IREB2: variants seen among roughly 807,000 people sequenced by gnomAD.
IREB2 encodes iron responsive element binding protein 2.
Under a neutral mutation model 118.8 loss-of-function variants are expected in IREB2, and 39 were observed. The ratio of observed to expected loss-of-function variants is 0.33; its 90% CI spans 0.25 to 0.43. The LOEUF (loss-of-function observed/expected upper bound fraction) is 0.43, where lower values mean the gene tolerates loss of function less well. IREB2 is among the 20% of genes least tolerant of loss of function. IREB2 has a pLI of 1.00. For synonymous variants in IREB2, 372 were observed against 392.2 expected (o/e 0.95, Z 0.61); for missense variants, 900 against 1,147.3 (o/e 0.78, Z 3.11).
intron 2 of IREB2, among the ~76,000 whole-genome samples, chr15:78,443,626 G>GT (rs560552550): frequency 1.3e-4 from 19 of 151,100 alleles, no homozygotes; most frequent in Admixed American, 4.6e-4. Flanking sequence ...TTTTTGTGGG[G>GT]TTTTTTTTGT....
intron 3 of IREB2, among the ~76,000 whole-genome samples, chr15:78,464,954 G>A (rs1394612890): frequency 6.6e-6 from 1 of 152,116 alleles, no homozygotes; most frequent in Admixed American, 6.6e-5. Flanking sequence ...AGGGGAAGGT[G>A]CATCAAAAAA....
chr15:78,458,036 G>A (rs2051134382), intron 2 of IREB2, among the ~76,000 whole-genome samples: 1 of 151,998 alleles, frequency 6.6e-6, no homozygotes, highest in Non-Finnish European at 1.5e-5. Context: ...AGATAGACGA[G>A]GTAAGGAAGA....
intron 20 of IREB2, among the ~76,000 whole-genome samples, chr15:78,494,627 G>T (rs2051808798): frequency 6.6e-6 from 1 of 152,168 alleles, no homozygotes; most frequent in Non-Finnish European, 1.5e-5. Flanking sequence ...AGACTGGAGT[G>T]CAGTGGCGCA....
chr15:78,478,851 A>G (rs2051520210), intron 10 of IREB2, among the ~76,000 whole-genome samples: 1 of 152,226 alleles, frequency 6.6e-6, no homozygotes. Flanking sequence ...ATATGACAAT[A>G]TCTACCTCTA....
chr15:78,448,335 C>T (rs1028595475), intron 2 of IREB2, among the ~76,000 whole-genome samples: 22 of 151,806 alleles, frequency 1.4e-4, no homozygotes, highest in African/African-American at 1.9e-4. Context: ...AGTAGAGATG[C>T]GGTTTCACCA....
chr15:78,467,031 G>A (rs1379000704), intron 5 of IREB2, among the ~76,000 whole-genome samples: 1 of 151,422 alleles, frequency 6.6e-6, no homozygotes, highest in African/African-American at 2.4e-5. Context: ...AGCCTGGGCA[G>A]CACTGGTGAA....
chr15:78,478,722 TAATA>T (rs2051518166), intron 10 of IREB2, among the ~76,000 whole-genome samples: 1 of 152,024 alleles, frequency 6.6e-6, no homozygotes, highest in East Asian at 1.9e-4. Flanking sequence ...AAAAAAATAA[TAATA>T]ATAAATTCTA....
At chr15:78,465,023 A>C (rs1019343048) in intron 3 of IREB2, among the ~76,000 whole-genome samples, 3 of 152,202 alleles carry the variant, frequency 2.0e-5, no homozygotes, top group African/African-American at 7.2e-5. Context: ...CTCAAAAATT[A>C]TCTCTTATTA....
intron 2 of IREB2, among the ~76,000 whole-genome samples, chr15:78,444,647 AG>A (rs2050898811): frequency 6.6e-6 from 1 of 152,218 alleles, no homozygotes; most frequent in Non-Finnish European, 1.5e-5. Context: ...AATCACAAAA[AG>A]ACAAGAACAT....
intron 9 of IREB2, 24 bp from the exon 10 acceptor site, chr15:78,478,273 T>G (rs1566984111): frequency 7.1e-7 from 1 of 1,416,190 alleles, no homozygotes; most frequent in Non-Finnish European, 1.0e-6. Context: ...CTGCATTTTG[T>G]TGTTTTGTTC....
In IREB2 at chr15:78,438,216, G is replaced by A. The variant is rs903572303; in HGVS notation, c.-122G>A. On this transcript the variant is annotated 5_prime_UTR_variant, in exon 1 of 22. Coordinates refer to ENST00000258886, the MANE Select transcript of IREB2 (RefSeq NM_004136.4). ...TCTGCTGCTCTCGCGATATTTGCGC[G>A]AGCCTGCTTCCTTCTTTCCTCCCTT... is the stretch of plus-strand genomic sequence containing the variant. 6 of 765,114 alleles carry A rather than the reference G, an allele frequency of 7.8e-6. No individual in the cohort carries two copies. The highest frequency in any genetic ancestry group is 4.3e-5 in the Admixed American group (2 of 46,094). 47.4% of individuals were successfully genotyped at this position (765,114 alleles called of 1,614,324 possible). A position where few individuals can be genotyped will look rare whatever the true frequency, so the allele number is the denominator to read the frequency against.
At chr15:78,438,503 T>C (rs1296276711) in intron 1 of IREB2, 147 bp downstream of exon 1, 4 of 879,104 alleles carry the variant, frequency 4.6e-6, no homozygotes, top group Non-Finnish European at 7.3e-6. Context: ...GCCTGCCTGC[T>C]GGGCCGCCCT....
At chr15:78,485,061 T>A in intron 12 of IREB2, 141 bp downstream of exon 12, 1 of 690,944 alleles carries the variant, frequency 1.4e-6, no homozygotes. Flanking sequence ...AGTTAGGTCT[T>A]AAGGAGCCTG....
chr15:78,439,470 A>G (rs1253542317), intron 1 of IREB2, among the ~76,000 whole-genome samples: 1 of 152,128 alleles, frequency 6.6e-6, no homozygotes, highest in East Asian at 1.9e-4. Context: ...TTCTTATCAC[A>G]TTTCAGGAGT....
In IREB2 at chr15:78,462,967, G is replaced by A; in HGVS notation, c.152G>A (p.Arg51Gln). The A allele has an allele frequency of 1.2e-6, 2 of 1,612,972 alleles. No individual in the cohort carries two copies. Among genetic ancestry groups the A allele is most frequent in the Non-Finnish European group, 1.7e-6 (2 of 1,179,572 alleles). ...CGGGTCTTGTTGGAAGCTGCTGTAC[G>A]AAATTGTGATGGCTTTTTAATGAAG... ...SIRVLLEAAV[R>Q]NCDGFLMKKE... Residue 51 changes from arginine (R) to glutamine (Q), a missense_variant, in exon 3 of 22, where the codon CGA (arginine) becomes CAA (glutamine). Coordinates refer to ENST00000258886, the MANE Select transcript of IREB2 (RefSeq NM_004136.4).
At chr15:78,483,765 T>C (rs959664385) in intron 11 of IREB2, among the ~76,000 whole-genome samples, 1 of 152,028 alleles carries the variant, frequency 6.6e-6, no homozygotes, top group Non-Finnish European at 1.5e-5. Flanking sequence ...GATAATTGAA[T>C]AGTTACATCA....
rs2055588 is a variant in IREB2 at position 78,498,708 on chromosome 15, G to A, written c.*565G>A. 143,041 of 152,734 alleles carry A rather than the reference G, an allele frequency of 0.94. 67,731 individuals carry two copies. The highest frequency in any genetic ancestry group is 1 in the East Asian group (5,194 of 5,194). 9.5% of individuals were successfully genotyped at this position (152,734 alleles called of 1,614,324 possible). A position where few individuals can be genotyped will look rare whatever the true frequency, so the allele number is the denominator to read the frequency against. On this transcript the variant is annotated 3_prime_UTR_variant, in exon 22 of 22. Transcript: ENST00000258886. ...TATCCTTAGTCTAACTGCAAGGGAT[G>A]GAACCTGCCCCAGGTCACAATCATT...
At chr15:78,484,506 C>T (rs187867699) in intron 11 of IREB2, among the ~76,000 whole-genome samples, 33 of 152,242 alleles carry the variant, frequency 2.2e-4, no homozygotes, top group African/African-American at 7.5e-4. Context: ...GATCTGGATT[C>T]TGGGTGGTAG....
chr15:78,446,194 T>G (rs2050926146), intron 2 of IREB2, among the ~76,000 whole-genome samples: 1 of 152,242 alleles, frequency 6.6e-6, no homozygotes, highest in Non-Finnish European at 1.5e-5. Context: ...ATGTGGACTC[T>G]TGAAAAGACT....
Sources: allele counts gnomAD v4.1 joint callset (sites outside exome capture counted in the v4.1 genomes callset), GRCh38; gene constraint gnomAD v4.1.1; transcripts MANE v1.5; gene names NCBI Gene and HGNC (gene_info 2026-07-23, HGNC 2026-07-21).